Variants in PKN2 observed in about 807,000 individuals in gnomAD.
PKN2 encodes serine/threonine-protein kinase N2.
In PKN2, 38 loss-of-function variants were observed where a neutral mutation model predicts 119.1. The ratio of observed to expected loss-of-function variants is 0.32; its 90% CI spans 0.25 to 0.42. The LOEUF is 0.42. Ranked by LOEUF, PKN2 falls within the 10% of genes least tolerant of loss-of-function variation. PKN2 has a pLI of 1.00. For synonymous variants in PKN2, 390 were observed against 384.9 expected (o/e 1.01, Z -0.15); for missense variants, 850 against 1,165.1 (o/e 0.73, Z 3.94).
chr1:88,794,614 A>T (rs1670984333), intron 8 of PKN2, among the ~76,000 whole-genome samples: 1 of 152,190 alleles, frequency 6.6e-6, no homozygotes, highest in Admixed American at 6.5e-5. Flanking sequence ...TTAGCTAACT[A>T]ATTAATGCAC....
chr1:88,826,820 C>T (rs1308821388), intron 18 of PKN2, among the ~76,000 whole-genome samples: 4 of 152,108 alleles, frequency 2.6e-5, no homozygotes. Flanking sequence ...AGTTATATTT[C>T]TTCATTAATT....
At chr1:88,733,500 T>C (rs1668225673) in intron 1 of PKN2, among the ~76,000 whole-genome samples, 1 of 152,230 alleles carries the variant, frequency 6.6e-6, no homozygotes, top group African/African-American at 2.4e-5. Context: ...GAGAAATGTC[T>C]ATGTAGGCCT....
intron 1 of PKN2, among the ~76,000 whole-genome samples, chr1:88,717,958 G>A (rs1667523233): frequency 6.6e-6 from 1 of 152,112 alleles, no homozygotes; most frequent in African/African-American, 2.4e-5. Context: ...TTTGATGATG[G>A]TGACCTACAG....
intron 8 of PKN2, among the ~76,000 whole-genome samples, chr1:88,796,990 T>C (rs1026704966): frequency 7.2e-5 from 11 of 151,982 alleles, no homozygotes; most frequent in Non-Finnish European, 1.5e-4. Context: ...ATACAGTGAT[T>C]CCCAAATAGA....
intron 18 of PKN2, among the ~76,000 whole-genome samples, chr1:88,826,545 T>TG (rs1177648300): frequency 1.3e-5 from 2 of 152,256 alleles, no homozygotes; most frequent in African/African-American, 4.8e-5. Flanking sequence ...TAACATACAT[T>TG]GTACCTATTA....
At chr1:88,707,255 C>T (rs1051689409) in intron 1 of PKN2, among the ~76,000 whole-genome samples, 2 of 152,054 alleles carry the variant, frequency 1.3e-5, no homozygotes, top group Non-Finnish European at 2.9e-5. Context: ...CATTCTTCAT[C>T]TTACTGCCTA....
chr1:88,780,453 A>T (rs974903709), intron 6 of PKN2, among the ~76,000 whole-genome samples: 1 of 152,178 alleles, frequency 6.6e-6, no homozygotes, highest in African/African-American at 2.4e-5. Flanking sequence ...TTCCAGTCAT[A>T]TCTGTGTAAC....
At chr1:88,707,048 C>T (rs1667031724) in intron 1 of PKN2, among the ~76,000 whole-genome samples, 1 of 151,618 alleles carries the variant, frequency 6.6e-6, no homozygotes, top group African/African-American at 2.4e-5. Context: ...GTAAATCTGC[C>T]CATGGCTACT....
chr1:88,688,711 C>T (rs1666211306), intron 1 of PKN2, among the ~76,000 whole-genome samples: 1 of 152,110 alleles, frequency 6.6e-6, no homozygotes, highest in Admixed American at 6.5e-5. Flanking sequence ...CAAAACTTCC[C>T]AAAAGATTTA....
At position 88,684,619 on chromosome 1, in the gene PKN2, G is replaced by A. The variant is rs1409561652; in HGVS notation, c.39G>A (p.Thr13=). The A allele has an allele frequency of 1.3e-6, 2 of 1,563,032 alleles. No homozygotes were observed. Among genetic ancestry groups the A allele is most frequent in the Non-Finnish European group, 1.7e-6 (2 of 1,155,138 alleles). The change falls in exon 1 of 22, where the codon ACG becomes ACA. Residue 13 remains threonine, a synonymous_variant. Transcript: ENST00000370521. ...SNPERGEILL[T]ELQGDSRSLP... The stretch of plus-strand genomic sequence containing the variant: ...CCGAACGGGGGGAGATTCTGCTCAC[G>A]GAACTGCAGGTAAGGGCCGCGGCCC...
chr1:88,820,247 T>C (rs1227994489), intron 16 of PKN2, among the ~76,000 whole-genome samples: 3 of 111,834 alleles, frequency 2.7e-5, no homozygotes, highest in Non-Finnish European at 3.7e-5. Context: ...TAGAAAAAAA[T>C]AAAAATGCGA....
At chr1:88,813,981 A>G (rs894275492) in intron 16 of PKN2, among the ~76,000 whole-genome samples, 5 of 152,190 alleles carry the variant, frequency 3.3e-5, no homozygotes, top group African/African-American at 1.2e-4. Flanking sequence ...GATTCATTTT[A>G]GTAAAATTTC....
chr1:88,810,089 G>T (rs1671719255), intron 15 of PKN2, among the ~76,000 whole-genome samples: 2 of 151,824 alleles, frequency 1.3e-5, no homozygotes, highest in South Asian at 4.2e-4. Context: ...CTGAAAGAAG[G>T]CAAGAAAAAA....
At chr1:88,796,680 A>T (rs533451992) in intron 8 of PKN2, among the ~76,000 whole-genome samples, 1 of 152,314 alleles carries the variant, frequency 6.6e-6, no homozygotes, top group South Asian at 2.1e-4. Context: ...CTTACAAAAA[A>T]ATTGGTCAGC....
chr1:88,723,276 G>C (rs1667768134), intron 1 of PKN2, among the ~76,000 whole-genome samples: 1 of 151,822 alleles, frequency 6.6e-6, no homozygotes, highest in Non-Finnish European at 1.5e-5. Flanking sequence ...ACCATGCCCA[G>C]CTAATTTTAT....
intron 6 of PKN2, chr1:88,780,900 A>T (rs1217879264): frequency 1.8e-5 from 3 of 164,114 alleles, no homozygotes; most frequent in Non-Finnish European, 2.5e-5. Flanking sequence ...ATGACTGGAA[A>T]TTTTTTTCCT....
chr1:88,757,769 G>A (rs938856887), intron 2 of PKN2, among the ~76,000 whole-genome samples: 5 of 152,186 alleles, frequency 3.3e-5, no homozygotes, highest in South Asian at 2.1e-4. Context: ...CAGGCTGGGC[G>A]TGGTGGCTCA....
intron 16 of PKN2, 133 bp from the exon 17 acceptor site, chr1:88,821,805 GTGA>G (rs1178098838): frequency 4.7e-6 from 3 of 642,248 alleles, no homozygotes; most frequent in Non-Finnish European, 7.2e-6. Flanking sequence ...CTAGCACAAT[GTGA>G]TACATAGTAG....
chr1:88,796,230 C>A (rs1180352275), intron 8 of PKN2, among the ~76,000 whole-genome samples: 1 of 152,076 alleles, frequency 6.6e-6, no homozygotes, highest in Non-Finnish European at 1.5e-5. Context: ...AATTTGAAAT[C>A]CCAAATCCTC....
Sources: gnomAD v4.1 joint callset for allele counts (sites outside exome capture counted in the v4.1 genomes callset) on GRCh38, gnomAD v4.1.1 for gene constraint, MANE v1.5 for transcripts, NCBI Gene and HGNC (gene_info 2026-07-23, HGNC 2026-07-21) for gene names.